PARL: variants seen among roughly 807,000 people sequenced by gnomAD.
PARL encodes the protein presenilin-associated rhomboid-like protein, mitochondrial.
Under a neutral mutation model 51.6 loss-of-function variants are expected in PARL, and 44 were observed. The observed-to-expected ratio is 0.85, with a 90% CI of 0.67 to 1.10. The LOEUF is 1.10. Ranked by LOEUF, PARL falls within the 50% of genes least tolerant of loss-of-function variation. The pLI is 0.00. For missense variants in PARL, 441 were observed against 469.5 expected (o/e 0.94, Z 0.56); for synonymous variants, 172 against 164.0 (o/e 1.05, Z -0.37).
intron 4 of PARL, among the ~76,000 whole-genome samples, chr3:183,857,842 G>C: frequency 6.6e-6 from 1 of 152,194 alleles, no homozygotes; most frequent in East Asian, 1.9e-4. Flanking sequence ...ATACTTGATA[G>C]GGGGAGGCAG....
Position 183,833,592 on chromosome 3 carries a change from G to T in PARL, c.931-3C>A. 6.2e-7 allele frequency: 1 copy of T among 1,607,352 alleles called. No homozygotes were observed. The highest frequency in any genetic ancestry group is 8.5e-7 in the Non-Finnish European group (1 of 1,173,796). On this transcript the variant is annotated splice_region_variant and splice_polypyrimidine_tract_variant and intron_variant, in intron 8 of 9. Transcript: ENST00000317096. ...ATGGCGATAATGGCTTTCAGGGCCT[G>T]AAAGGCAGCAAGAAACAAGCGGCAC... is the stretch of plus-strand genomic sequence containing the variant.
intron 1 of PARL, among the ~76,000 whole-genome samples, chr3:183,870,577 C>G (rs904997397): frequency 6.6e-6 from 1 of 152,134 alleles, no homozygotes; most frequent in African/African-American, 2.4e-5. Flanking sequence ...GAATACGCCA[C>G]CATTTCCTAG....
chr3:183,873,650 T>A (rs116143023), intron 1 of PARL, among the ~76,000 whole-genome samples: 242 of 152,278 alleles, frequency 1.6e-3, no homozygotes, highest in Middle Eastern at 0.014. Context: ...ATACAAAGGA[T>A]AAGAAATACA....
Position 183,884,864 on chromosome 3 carries a change from C to T in PARL, c.-18G>A. ...CACGCCATCTTCCCAACCTCTGCCC[C>T]ACCATGGCCCGACCTTACCAACCCC... On this transcript the variant is annotated 5_prime_UTR_variant, in exon 1 of 10. Transcript: ENST00000317096. The T allele has an allele frequency of 2.5e-6, 4 of 1,596,768 alleles. No individual in the cohort carries two copies. Among genetic ancestry groups the T allele is most frequent in the South Asian group, 1.1e-5 (1 of 90,720 alleles).
chr3:183,829,721 C>G lies in PARL; in HGVS notation c.1029-12G>C. 6.2e-7 allele frequency: 1 copy of G among 1,605,376 alleles called. No homozygotes were observed. Among genetic ancestry groups the G allele is most frequent in the South Asian group, 1.1e-5 (1 of 90,882 alleles). On this transcript the variant is annotated splice_polypyrimidine_tract_variant and intron_variant, in intron 9 of 9. Transcript: ENST00000317096. ...AAGTAACATACCATCTGGAGAAAAA[C>G]AAACCAGGTCCGACATTCAAACAGT...
intron 1 of PARL, among the ~76,000 whole-genome samples, chr3:183,883,326 T>C (rs1195854686): frequency 6.6e-6 from 1 of 152,234 alleles, no homozygotes; most frequent in Admixed American, 6.5e-5. Context: ...TGAAGTGCAA[T>C]GGCACGATCT....
chr3:183,847,030 AAAAACGGCTTCCTTGCTGGG>A (rs1730035214), intron 4 of PARL, among the ~76,000 whole-genome samples: 1 of 152,208 alleles, frequency 6.6e-6, no homozygotes, highest in South Asian at 2.1e-4. Flanking sequence ...GACACCACAT[AAAAACGGCTTCCTTGCTGGG>A]AAACAGCATA....
At chr3:183,872,000 ATTTTT>A (rs11364933) in intron 1 of PARL, among the ~76,000 whole-genome samples, 4 of 122,588 alleles carry the variant, frequency 3.3e-5, no homozygotes, top group African/African-American at 1.2e-4. Context: ...CCTAGAATGC[ATTTTT>A]TTTTTTTTTT....
At chr3:183,882,247 A>ATATATATATATATATATATATATT (rs1734583806) in intron 1 of PARL, among the ~76,000 whole-genome samples, 3 of 23,330 alleles carry the variant, frequency 1.3e-4, no homozygotes, top group South Asian at 1.5e-3. Flanking sequence ...ATATATATTT[A>ATATATATATATATATATATATATT]TATATATATA....
rs1734553761 is a variant in PARL at position 183,882,225 on chromosome 3, ATATATATATATATATATATTTATATAT to A, written c.125+2470_125+2496del. 3.8e-5 allele frequency among the ~76,000 whole-genome samples: 3 copies of A among 78,266 alleles called. 1 individual carries two copies. In the East Asian group the frequency reaches 1.5e-3, roughly 40 times the overall value. 51.3% of individuals were successfully genotyped at this position (78,266 alleles called of 152,430 possible). A position where few individuals can be genotyped will look rare whatever the true frequency, so the allele number is the denominator to read the frequency against. ...TCTCTAAAAAAAAAAAAAAAAAAAT[ATATATATATATATATATATTTATATAT>A]ATATATATATATATATTTATATATA... On this transcript the variant is annotated intron_variant, in intron 1 of 9. Transcript: ENST00000317096.
At chr3:183,846,776 C>A (rs1168726625) in intron 4 of PARL, 2 of 199,922 alleles carry the variant, frequency 1.0e-5, no homozygotes, top group African/African-American at 4.7e-5. Flanking sequence ...ACTATAAATT[C>A]ATAAGACACA....
intron 4 of PARL, among the ~76,000 whole-genome samples, chr3:183,858,845 A>C (rs1461742158): frequency 6.6e-6 from 1 of 152,146 alleles, no homozygotes; most frequent in South Asian, 2.1e-4. Flanking sequence ...GTGGGCTTAT[A>C]AACACTTTTT....
At chr3:183,838,105 T>C (rs1728858877) in intron 7 of PARL, among the ~76,000 whole-genome samples, 1 of 151,126 alleles carries the variant, frequency 6.6e-6, no homozygotes, top group African/African-American at 2.4e-5. Flanking sequence ...CACAGCAGCC[T>C]CACCCTCCTA....
intron 1 of PARL, among the ~76,000 whole-genome samples, chr3:183,876,413 T>C (rs1733812189): frequency 6.6e-6 from 1 of 151,932 alleles, no homozygotes; most frequent in Admixed American, 6.6e-5. Context: ...CCTTTCAAAA[T>C]ACTACTGTTC....
intron 1 of PARL, among the ~76,000 whole-genome samples, chr3:183,870,808 G>C (rs925475344): frequency 3.9e-5 from 6 of 152,062 alleles, no homozygotes; most frequent in African/African-American, 1.4e-4. Flanking sequence ...CTTTCTTGCA[G>C]TTCCTATGAT....
At chr3:183,838,162 A>AT (rs1356805978) in intron 7 of PARL, among the ~76,000 whole-genome samples, 1 of 151,388 alleles carries the variant, frequency 6.6e-6, no homozygotes, top group African/African-American at 2.4e-5. Context: ...AGTAGGTAGG[A>AT]TTACAGGTGC....
At position 183,829,643 on chromosome 3, in the gene PARL, A is replaced by T; in HGVS notation, c.1095T>A (p.His365Gln). Residue 365 changes from histidine to glutamine, a missense_variant, in exon 10 of 10, where the codon CAT (histidine) becomes CAA (glutamine). Physicochemically the swap from His to Gln is conservative, Grantham distance 24. Transcript: ENST00000317096. ...KNREPLVKIW[H>Q]EIRTNGPKKG... ...TTTTGGGGCCATTAGTCCTTATTTC[A>T]TGCCAGATTTTCACTAGCGGCTCCC... 6.2e-7 allele frequency: 1 copy of T among 1,614,084 alleles called. No individual in the cohort carries two copies. Among genetic ancestry groups the T allele is most frequent in the Non-Finnish European group, 8.5e-7 (1 of 1,179,982 alleles).
chr3:183,863,387 A>C (rs921615915), intron 3 of PARL, among the ~76,000 whole-genome samples: 1 of 152,050 alleles, frequency 6.6e-6, no homozygotes, highest in Non-Finnish European at 1.5e-5. Flanking sequence ...AAATAGATGA[A>C]AAAAAAATTG....
At chr3:183,863,800 G>A (rs1206451762) in intron 3 of PARL, among the ~76,000 whole-genome samples, 4 of 152,268 alleles carry the variant, frequency 2.6e-5, no homozygotes, top group South Asian at 2.1e-4. Context: ...ATAGTGGCAC[G>A]AAAGGGGTTC....
Sources: allele counts gnomAD v4.1 joint callset (sites outside exome capture counted in the v4.1 genomes callset), GRCh38; gene constraint gnomAD v4.1.1; transcripts MANE v1.5; gene names NCBI Gene and HGNC (gene_info 2026-07-23, HGNC 2026-07-21).